Variants in LRRC42 observed in about 807,000 individuals in gnomAD.
LRRC42 encodes the protein leucine rich repeat containing 42, also known as leucine-rich repeat-containing protein 42.
Under a neutral mutation model 44.3 loss-of-function variants are expected in LRRC42, and 43 were observed. The observed-to-expected ratio is 0.97, with a 90% CI of 0.76 to 1.25. LRRC42 has a LOEUF of 1.25. Among genes scored for constraint, LRRC42 ranks in the 50% most tolerant of loss-of-function variants. LRRC42 has a pLI of 0.00. For synonymous variants in LRRC42, 207 were observed against 195.2 expected (o/e 1.06, Z -0.50); for missense variants, 540 against 509.1 (o/e 1.06, Z -0.58).
chr1:53,964,610 C>G (rs1310965790), intron 7 of LRRC42, among the ~76,000 whole-genome samples: 6 of 152,212 alleles, frequency 3.9e-5, no homozygotes, highest in African/African-American at 1.2e-4. Context: ...TCCCTGAAAT[C>G]TGTTCCCATT....
intron 4 of LRRC42, among the ~76,000 whole-genome samples, chr1:53,959,704 G>A (rs926032899): frequency 9.2e-5 from 14 of 152,272 alleles, no homozygotes; most frequent in African/African-American, 3.4e-4. Context: ...TCTCATAGGA[G>A]TTCTTTAGCA....
chr1:53,967,691 C>A lies in LRRC42; in HGVS notation c.1039C>A (p.Pro347Thr), dbSNP rs760615054. The stretch of plus-strand genomic sequence containing the variant: ...TGGGAAGCGGTCTCGAGCAGAAGCC[C>A]CACTGAAGTGTCCCCTGGCAGACAC... ...FYGKRSRAEA[P>T]LKCPLADTHM... Residue 347 changes from proline (P) to threonine (T), a missense_variant, in exon 9 of 9, where the codon CCA becomes ACA. Transcript: ENST00000371370. The A allele has an allele frequency of 6.2e-7, 1 of 1,614,146 alleles. No individual in the cohort carries two copies. The highest frequency in any genetic ancestry group is 1.7e-5 in the Admixed American group (1 of 60,018).
At chr1:53,964,829 G>A (rs1184114191) in intron 7 of LRRC42, among the ~76,000 whole-genome samples, 1 of 151,998 alleles carries the variant, frequency 6.6e-6, no homozygotes, top group Non-Finnish European at 1.5e-5. Flanking sequence ...AATAAGTGGT[G>A]GAGCCAACTC....
rs1462688526 is a variant in LRRC42, at chr1:53,960,407, G to A, written c.657G>A (p.Arg219=). The A allele has an allele frequency of 3.7e-6, 6 of 1,613,984 alleles. No homozygotes were observed. In the South Asian group the frequency reaches 6.6e-5, roughly 18 times the overall value. ...KDNCLSDAGV[R]KMTAPVRVMK... ...ATTGTTTATCTGATGCTGGGGTGCG[G>A]AAGATGACAGCACCAGTTCGAGTGA... Residue 219 remains arginine, a synonymous_variant, in exon 5 of 9, where the codon CGG becomes CGA. Transcript: ENST00000371370.
chr1:53,958,529 G>GTAA (rs1366180137), intron 4 of LRRC42, among the ~76,000 whole-genome samples: 2 of 152,234 alleles, frequency 1.3e-5, no homozygotes, highest in East Asian at 3.9e-4. Context: ...ATTTTAATAT[G>GTAA]TAATACTTGA....
At chr1:53,956,681 G>A (rs963166497) in intron 3 of LRRC42, among the ~76,000 whole-genome samples, 4 of 152,206 alleles carry the variant, frequency 2.6e-5, no homozygotes, top group African/African-American at 9.7e-5. Flanking sequence ...TTATGTCCTA[G>A]ATTAGCACCT....
chr1:53,952,512 G>A (rs1329428223), intron 3 of LRRC42, 40 bp downstream of exon 3: 4 of 1,519,196 alleles, frequency 2.6e-6, no homozygotes, highest in East Asian at 2.3e-5. Context: ...TTTATTGGGT[G>A]TGTTAATTCT....
chr1:53,961,418 A>T (rs1654992628), intron 5 of LRRC42, among the ~76,000 whole-genome samples: 1 of 152,086 alleles, frequency 6.6e-6, no homozygotes, highest in Non-Finnish European at 1.5e-5. Flanking sequence ...CTCAAAAAAA[A>T]AAAAGAAATA....
chr1:53,949,489 T>G (rs777610688), intron 2 of LRRC42, among the ~76,000 whole-genome samples: 7 of 152,216 alleles, frequency 4.6e-5, no homozygotes, highest in Non-Finnish European at 8.8e-5. Context: ...GCGTCTGCTT[T>G]CTGATCTACA....
chr1:53,959,322 T>G (rs1024728727), intron 4 of LRRC42, among the ~76,000 whole-genome samples: 2 of 152,222 alleles, frequency 1.3e-5, no homozygotes, highest in Admixed American at 1.3e-4. Flanking sequence ...AATGGCCCAG[T>G]TCATACCATT....
At chr1:53,965,882 A>G (rs1273884785) in intron 7 of LRRC42, among the ~76,000 whole-genome samples, 3 of 152,234 alleles carry the variant, frequency 2.0e-5, no homozygotes, top group Non-Finnish European at 4.4e-5. Context: ...AAACATGGGC[A>G]TTTTACATAC....
chr1:53,947,086 T>C (rs1213103813), intron 1 of LRRC42, among the ~76,000 whole-genome samples: 1 of 133,574 alleles, frequency 7.5e-6, no homozygotes, highest in Non-Finnish European at 1.6e-5. Context: ...AAGGGAAGAA[T>C]AGATGGTGAA....
At chr1:53,947,418 A>G (rs546781063) in intron 1 of LRRC42, among the ~76,000 whole-genome samples, 1 of 152,202 alleles carries the variant, frequency 6.6e-6, no homozygotes, top group South Asian at 2.1e-4. Context: ...ATATTATAGG[A>G]AAAAAGTAGT....
In LRRC42 at chr1:53,946,462, G is replaced by A. The variant is rs1390925412; in HGVS notation, c.-136G>A. The A allele has an allele frequency of 6.6e-6, 1 of 152,276 alleles. No individual in the cohort carries two copies. The highest frequency in any genetic ancestry group is 2.4e-5 in the African/African-American group (1 of 41,516). The allele number at this position is 152,276 out of a possible 1,614,324, so 9.4% of individuals were successfully genotyped here. A position where few individuals can be genotyped will look rare whatever the true frequency, so the allele number is the denominator to read the frequency against. ...CACCCTTCCTAGCTTTGTGCCCGGG[G>A]TGCTGAGCCCTTCCCCGTCAGCCGG... On this transcript the variant is annotated 5_prime_UTR_variant, in exon 1 of 9. In the 5' UTR this introduces an upstream ATG that the reference lacks. Transcript: ENST00000371370.
chr1:53,961,919 A>G (rs903560817), intron 5 of LRRC42, 115 bp from the exon 6 acceptor site: 90 of 723,534 alleles, frequency 1.2e-4, no homozygotes, highest in Non-Finnish European at 1.3e-4. Context: ...AAAGTTTGCC[A>G]ACTCAAATGT....
At chr1:53,951,038 A>G (rs556471246) in intron 2 of LRRC42, among the ~76,000 whole-genome samples, 43 of 152,356 alleles carry the variant, frequency 2.8e-4, no homozygotes, top group Admixed American at 6.5e-5. Flanking sequence ...TAGAGTCTGC[A>G]TGAATTCAGC....
At chr1:53,964,998 G>GTT (rs971309041) in intron 7 of LRRC42, among the ~76,000 whole-genome samples, 1 of 131,850 alleles carries the variant, frequency 7.6e-6, no homozygotes, top group Admixed American at 7.1e-5. Context: ...GAACTGTATT[G>GTT]TTTTTTTTTG....
chr1:53,966,460 A>G, intron 8 of LRRC42, 80 bp downstream of exon 8: 1 of 950,972 alleles, frequency 1.1e-6, no homozygotes, highest in South Asian at 1.3e-5. Context: ...CCCTCCTTGG[A>G]AAAATTAATT....
chr1:53,957,553 C>G (rs1363497266), intron 3 of LRRC42, among the ~76,000 whole-genome samples: 1 of 152,204 alleles, frequency 6.6e-6, no homozygotes, highest in Admixed American at 6.5e-5. Flanking sequence ...GTCTTAATAT[C>G]CATCTAGACT....
Sources: allele counts gnomAD v4.1 joint callset (sites outside exome capture counted in the v4.1 genomes callset), GRCh38; gene constraint gnomAD v4.1.1; transcripts MANE v1.5; gene names NCBI Gene and HGNC (gene_info 2026-07-23, HGNC 2026-07-21).